The following MGMT variants were observed in gnomAD, a reference collection of about 807,000 sequenced individuals.
The protein encoded by MGMT is O-6-methylguanine-DNA methyltransferase.
MGMT carries 14 observed loss-of-function variants against 15.9 expected under a neutral mutation model. That is an observed-to-expected ratio of 0.88 (90% CI 0.58 to 1.37). The LOEUF (loss-of-function observed/expected upper bound fraction) is 1.37, where lower values mean the gene tolerates loss of function less well. MGMT is among the 40% of genes most tolerant of loss of function. The pLI is 0.00. For synonymous variants in MGMT, 130 were observed against 118.2 expected, an observed-to-expected ratio of 1.10 and a Z score of -0.65; for missense variants, 282 against 268.1, an observed-to-expected ratio of 1.05 and a Z score of -0.36.
chr10:129,693,211 G>C (rs139952804), intron 2 of MGMT, among the ~76,000 whole-genome samples: 1 of 152,240 alleles, frequency 6.6e-6, no homozygotes, highest in Non-Finnish European at 1.5e-5. Context: ...ATTTCCAGGC[G>C]TCAGTGGGGT....
chr10:129,562,689 G>A (rs1422741976), intron 2 of MGMT, among the ~76,000 whole-genome samples: 5 of 152,182 alleles, frequency 3.3e-5, no homozygotes, highest in Non-Finnish European at 7.3e-5. Flanking sequence ...TGGAGTCTGA[G>A]AAGATGGGGC....
rs1160214340 is a variant in MGMT at position 129,553,614 on chromosome 10, G to A, written c.125+17237G>A. On this transcript the variant is annotated intron_variant, in intron 2 of 4. Coordinates refer to ENST00000651593, the MANE Select transcript of MGMT (RefSeq NM_002412.5). ...GTCTCGTGTGTGGCACCATGCTGAC[G>A]GAATGACGAGAAACCACAACCTGGC... Among the ~76,000 whole-genome samples, 3 of 152,176 alleles carry A rather than the reference G, an allele frequency of 2.0e-5. No individual in the cohort carries two copies. In the East Asian group the frequency reaches 5.8e-4, roughly 29 times the overall value.
chr10:129,636,190 C>T (rs1434772698), intron 2 of MGMT, among the ~76,000 whole-genome samples: 5 of 152,096 alleles, frequency 3.3e-5, no homozygotes, highest in South Asian at 2.1e-4. Flanking sequence ...GTAGAAACCC[C>T]CAAAGTGCCT....
intron 2 of MGMT, among the ~76,000 whole-genome samples, chr10:129,622,900 T>G (rs896817797): frequency 1.3e-5 from 2 of 152,208 alleles, no homozygotes; most frequent in Non-Finnish European, 2.9e-5. Flanking sequence ...ACTTGTGGAA[T>G]GCATGGAGCC....
chr10:129,643,380 G>T (rs544176588), intron 2 of MGMT, among the ~76,000 whole-genome samples: 2 of 152,322 alleles, frequency 1.3e-5, no homozygotes, highest in Middle Eastern at 3.4e-3. Context: ...CAGTGGTTTT[G>T]AGTTTCCTGA....
At chr10:129,758,148 G>GT (rs1848828173) in intron 3 of MGMT, among the ~76,000 whole-genome samples, 1 of 152,126 alleles carries the variant, frequency 6.6e-6, no homozygotes, top group Admixed American at 6.5e-5. Context: ...AGTGATTATC[G>GT]TTCCCTTCAG....
intron 1 of MGMT, among the ~76,000 whole-genome samples, chr10:129,482,136 CT>C (rs1318542030): frequency 6.6e-6 from 1 of 152,094 alleles, no homozygotes; most frequent in Non-Finnish European, 1.5e-5. Flanking sequence ...CCCAATTTTC[CT>C]TGTGGTTTCT....
chr10:129,741,457 A>G (rs992558182), intron 3 of MGMT, among the ~76,000 whole-genome samples: 1 of 152,196 alleles, frequency 6.6e-6, no homozygotes, highest in African/African-American at 2.4e-5. Flanking sequence ...TGCATGGGAA[A>G]GGAGGCTGGG....
At chr10:129,542,364 T>C (rs959455443) in intron 2 of MGMT, among the ~76,000 whole-genome samples, 1 of 152,168 alleles carries the variant, frequency 6.6e-6, no homozygotes, top group African/African-American at 2.4e-5. Flanking sequence ...CCACGGGCCA[T>C]GAGAACCTTC....
intron 2 of MGMT, among the ~76,000 whole-genome samples, chr10:129,559,311 T>C (rs1846251033): frequency 6.6e-6 from 1 of 152,216 alleles, no homozygotes. Flanking sequence ...GAATGTACTA[T>C]AGCCTTCTTA....
At chr10:129,509,760 T>C (rs1038137018) in intron 1 of MGMT, among the ~76,000 whole-genome samples, 1 of 152,258 alleles carries the variant, frequency 6.6e-6, no homozygotes, top group Non-Finnish European at 1.5e-5. Flanking sequence ...GAAATCTATA[T>C]ATGTAATTTT....
intron 2 of MGMT, among the ~76,000 whole-genome samples, chr10:129,555,852 C>T (rs1054674242): frequency 2.0e-5 from 3 of 152,160 alleles, no homozygotes; most frequent in Admixed American, 6.5e-5. Context: ...GTTTTATTTT[C>T]GGCAACTCCG....
intron 1 of MGMT, among the ~76,000 whole-genome samples, chr10:129,499,496 A>T (rs1051005551): frequency 6.6e-6 from 1 of 152,222 alleles, no homozygotes; most frequent in Non-Finnish European, 1.5e-5. Context: ...AATAACAATT[A>T]CCTTTAATAG....
chr10:129,538,481 G>C (rs1289123779), intron 2 of MGMT, among the ~76,000 whole-genome samples: 1 of 152,216 alleles, frequency 6.6e-6, no homozygotes, highest in Non-Finnish European at 1.5e-5. Context: ...GCAGCACTTG[G>C]TGGTGTCAGT....
intron 2 of MGMT, among the ~76,000 whole-genome samples, chr10:129,620,060 T>A (rs61489079): frequency 0.083 from 12,599 of 152,296 alleles, 747 homozygotes; most frequent in East Asian, 0.3. Context: ...CCAGGCTGTG[T>A]GTCTTTGGAG....
intron 3 of MGMT, among the ~76,000 whole-genome samples, chr10:129,734,143 C>T (rs1848533912): frequency 6.6e-6 from 1 of 150,952 alleles, no homozygotes; most frequent in South Asian, 2.1e-4. Flanking sequence ...CTGTAAATTA[C>T]CTTGGGCAGT....
At chr10:129,587,198 T>G (rs1180303543) in intron 2 of MGMT, among the ~76,000 whole-genome samples, 2 of 152,050 alleles carry the variant, frequency 1.3e-5, no homozygotes, top group Non-Finnish European at 2.9e-5. Flanking sequence ...GCTCATTTTT[T>G]GGGTTGGTGT....
intron 2 of MGMT, among the ~76,000 whole-genome samples, chr10:129,704,075 A>G (rs1223645081): frequency 2.6e-5 from 4 of 152,078 alleles, no homozygotes; most frequent in Admixed American, 6.5e-5. Flanking sequence ...AGTACATTAC[A>G]TATTTCTCCA....
At chr10:129,686,573 T>TCATGTTGGCTAGGG (rs11274405) in intron 2 of MGMT, among the ~76,000 whole-genome samples, 1 of 151,624 alleles carries the variant, frequency 6.6e-6, no homozygotes, top group Non-Finnish European at 1.5e-5. Flanking sequence ...TGGGGTTTTC[T>TCATGTTGGCTAGGG]GCTGCTCTCA....
Sources: allele counts gnomAD v4.1 joint callset (sites outside exome capture counted in the v4.1 genomes callset), GRCh38; gene constraint gnomAD v4.1.1; transcripts MANE v1.5; gene names NCBI Gene and HGNC (gene_info 2026-07-23, HGNC 2026-07-21).